The following LOC128462377 variants were observed in gnomAD, a reference collection of about 807,000 sequenced individuals.
the LOC128462377 span, among the ~76,000 whole-genome samples, chr16:89,363,653 C>T: frequency 6.6e-6 from 1 of 152,166 alleles, no homozygotes; most frequent in Non-Finnish European, 1.5e-5. Flanking sequence ...CACTTTATGT[C>T]CACCAAGCAC....
At chr16:89,352,122 C>G in the LOC128462377 span, among the ~76,000 whole-genome samples, 1 of 152,120 alleles carries the variant, frequency 6.6e-6, no homozygotes, top group Non-Finnish European at 1.5e-5. Context: ...AACTCCTGAC[C>G]TCAAGTGATC....
chr16:89,324,261 G>T, the LOC128462377 span: 1 of 1,231,418 alleles, frequency 8.1e-7, no homozygotes, highest in Non-Finnish European at 1.0e-6. Context: ...CTGGGCTGTG[G>T]AACATACAGG....
chr16:89,398,145 G>C, the LOC128462377 span, among the ~76,000 whole-genome samples: 2 of 151,650 alleles, frequency 1.3e-5, no homozygotes, highest in Admixed American at 6.5e-5. Flanking sequence ...TGAAACAGCT[G>C]AAGACTACCT....
At chr16:89,332,736 A>G in the LOC128462377 span, among the ~76,000 whole-genome samples, 4 of 152,184 alleles carry the variant, frequency 2.6e-5, no homozygotes, top group African/African-American at 9.7e-5. Flanking sequence ...CTCTCTGAGG[A>G]AAGTGCCCCG....
At chr16:89,396,081 C>T in the LOC128462377 span, 2 of 152,206 alleles carry the variant, frequency 1.3e-5, no homozygotes, top group African/African-American at 4.8e-5. Flanking sequence ...GAAGGAAAGA[C>T]AGCTGCAAGT....
the LOC128462377 span, among the ~76,000 whole-genome samples, chr16:89,406,504 T>A: frequency 6.6e-6 from 1 of 152,114 alleles, no homozygotes; most frequent in Admixed American, 6.5e-5. Flanking sequence ...ACATGTTCGT[T>A]GGCCATGCCC....
chr16:89,332,730 C>T, the LOC128462377 span, among the ~76,000 whole-genome samples: 1 of 152,226 alleles, frequency 6.6e-6, no homozygotes, highest in African/African-American at 2.4e-5. Flanking sequence ...ACTGCCCTCT[C>T]TGAGGAAAGT....
At chr16:89,406,512 C>T in the LOC128462377 span, among the ~76,000 whole-genome samples, 1 of 152,186 alleles carries the variant, frequency 6.6e-6, no homozygotes, top group East Asian at 1.9e-4. Flanking sequence ...GTTGGCCATG[C>T]CCGGTGTCAG....
chr16:89,350,726 A>T, the LOC128462377 span, among the ~76,000 whole-genome samples: 1 of 152,206 alleles, frequency 6.6e-6, no homozygotes, highest in Non-Finnish European at 1.5e-5. Context: ...TGATGGTGGG[A>T]ACAAGACAGT....
chr16:89,334,058 A>T, the LOC128462377 span, among the ~76,000 whole-genome samples: 1 of 151,288 alleles, frequency 6.6e-6, no homozygotes, highest in African/African-American at 2.4e-5. Context: ...AAGCCTGTAA[A>T]ACAAGCACTT....
chr16:89,377,454 G>T, the LOC128462377 span, among the ~76,000 whole-genome samples: 2 of 151,882 alleles, frequency 1.3e-5, no homozygotes, highest in Non-Finnish European at 2.9e-5. Context: ...AGATCATGAA[G>T]AGACTGCGGA....
At chr16:89,320,283 G>A in the LOC128462377 span, 1 of 152,384 alleles carries the variant, frequency 6.6e-6, no homozygotes, top group African/African-American at 2.4e-5. Context: ...TCCCGGGGGA[G>A]ACTCTTCCCT....
chr16:89,406,905 G>A, the LOC128462377 span, among the ~76,000 whole-genome samples: 4 of 152,320 alleles, frequency 2.6e-5, no homozygotes, highest in South Asian at 2.1e-4. Flanking sequence ...CAGGCCGGAC[G>A]TGGTGGCTCA....
the LOC128462377 span, among the ~76,000 whole-genome samples, chr16:89,382,958 A>G: frequency 6.6e-6 from 1 of 152,204 alleles, no homozygotes; most frequent in Admixed American, 6.5e-5. Context: ...CTCCAGCCTC[A>G]GCCTCCCGAG....
chr16:89,330,594 C>T, the LOC128462377 span, among the ~76,000 whole-genome samples: 2 of 138,590 alleles, frequency 1.4e-5, no homozygotes, highest in Non-Finnish European at 3.0e-5. Context: ...GACCTAGTAT[C>T]GGAAGCAAGG....
the LOC128462377 span, among the ~76,000 whole-genome samples, chr16:89,374,252 C>T: frequency 1.3e-5 from 2 of 152,114 alleles, no homozygotes; most frequent in South Asian, 4.2e-4. Context: ...AGATTTTATG[C>T]TTATTGAACC....
At chr16:89,364,622 C>G in the LOC128462377 span, among the ~76,000 whole-genome samples, 1 of 152,190 alleles carries the variant, frequency 6.6e-6, no homozygotes, top group Admixed American at 6.5e-5. Context: ...GCTTGGGCCA[C>G]ACATAAAATA....
chr16:89,401,307 G>C, the LOC128462377 span, among the ~76,000 whole-genome samples: 1 of 152,056 alleles, frequency 6.6e-6, no homozygotes, highest in Non-Finnish European at 1.5e-5. Context: ...TCGAACTCCT[G>C]ACCTCGTGAT....
the LOC128462377 span, among the ~76,000 whole-genome samples, chr16:89,345,709 G>A: frequency 6.6e-6 from 1 of 152,218 alleles, no homozygotes; most frequent in Non-Finnish European, 1.5e-5. Context: ...CGAGCTGAGT[G>A]ATGTTTAATC....
Sources: allele counts gnomAD v4.1 joint callset (sites outside exome capture counted in the v4.1 genomes callset), GRCh38; gene constraint gnomAD v4.1.1; transcripts MANE v1.5.